Variants in IFT140 observed in about 807,000 individuals in gnomAD.
IFT140 encodes intraflagellar transport protein 140 homolog.
In IFT140, 133 loss-of-function variants were observed where a neutral mutation model predicts 164.6. The observed-to-expected ratio is 0.81, with a 90% CI of 0.70 to 0.93. The LOEUF (loss-of-function observed/expected upper bound fraction) is 0.93, where lower values mean the gene tolerates loss of function less well. Among genes scored for constraint, IFT140 ranks in the 40% least tolerant of loss-of-function variants. IFT140 has a pLI of 0.00. For synonymous variants in IFT140, 860 were observed against 817.3 expected (o/e 1.05, Z -0.89); for missense variants, 2,045 against 1,972.3 (o/e 1.04, Z -0.70).
At position 1,564,154 on chromosome 16, in the gene IFT140, A is replaced by G. The variant is rs754830133; in HGVS notation, c.1910T>C (p.Leu637Pro). ...FNEQETNKSH[L>P]FVDEGLKNYV... ...ATTTTTCAGTCCCTCATCCACAAAG[A>G]GGTGGCTCCTAAAAGACAAAGGAAG... Residue 637 changes from leucine (L) to proline (P), a missense_variant, in exon 17 of 31, where the codon CTC (leucine) becomes CCC (proline). Transcript: ENST00000426508. This position sits in a 1 kb window ranked among gnomAD's most constrained non-coding sequence, Gnocchi z 5.5. 3 of 1,572,110 alleles carry G rather than the reference A, an allele frequency of 1.9e-6. No individual in the cohort carries two copies. Among genetic ancestry groups the G allele is most frequent in the Admixed American group, 1.7e-5 (1 of 57,526 alleles).
At chr16:1,598,897 C>T (rs1282648834) in intron 4 of IFT140, among the ~76,000 whole-genome samples, 2 of 149,712 alleles carry the variant, frequency 1.3e-5, no homozygotes, top group Non-Finnish European at 3.0e-5. Context: ...GTGAGGAGCC[C>T]CTCTGCCTGG....
At chr16:1,558,448 C>G (rs1257270207) in intron 18 of IFT140, among the ~76,000 whole-genome samples, 1 of 152,228 alleles carries the variant, frequency 6.6e-6, no homozygotes, top group Non-Finnish European at 1.5e-5. Flanking sequence ...AAACAATAAC[C>G]TGGATTGGCT....
intron 17 of IFT140, 35 bp downstream of exon 17, chr16:1,563,962 T>G (rs771198688): frequency 6.6e-7 from 1 of 1,514,310 alleles, no homozygotes; most frequent in Non-Finnish European, 8.9e-7. Context: ...GGCCACTGAG[T>G]GTGTCTAAAC....
At chr16:1,554,107 G>T in intron 19 of IFT140, 2 of 1,287,176 alleles carry the variant, frequency 1.6e-6, no homozygotes, top group Non-Finnish European at 2.0e-6. Flanking sequence ...AGAACGAGAA[G>T]CACTGACTCG....
At chr16:1,575,021 C>T (rs924672914) in intron 13 of IFT140, among the ~76,000 whole-genome samples, 5 of 152,168 alleles carry the variant, frequency 3.3e-5, no homozygotes, top group African/African-American at 1.2e-4. Flanking sequence ...CCCTTACTCA[C>T]GCCAGAGCCA....
chr16:1,530,321 T>A (rs1001685555), intron 19 of IFT140, among the ~76,000 whole-genome samples: 1 of 151,720 alleles, frequency 6.6e-6, no homozygotes, highest in Non-Finnish European at 1.5e-5. Flanking sequence ...GTAGTAGAGA[T>A]GGGGTTTCAT....
intron 20 of IFT140, 32 bp downstream of exon 20, chr16:1,526,587 T>C: frequency 6.7e-7 from 1 of 1,489,584 alleles, no homozygotes; most frequent in South Asian, 1.3e-5. Context: ...GCGTGGTGCC[T>C]TCCCACCCAC....
At chr16:1,560,647 CT>C (rs2033354249) in intron 18 of IFT140, among the ~76,000 whole-genome samples, 1 of 152,208 alleles carries the variant, frequency 6.6e-6, no homozygotes, top group Non-Finnish European at 1.5e-5. Context: ...GCTGCCTGTC[CT>C]TCCCCTTCTC....
chr16:1,594,368 T>A (rs561954919), intron 4 of IFT140, among the ~76,000 whole-genome samples: 118 of 152,180 alleles, frequency 7.8e-4, no homozygotes, highest in African/African-American at 2.7e-3. Context: ...ATACAGATGC[T>A]CACCACCACA....
In IFT140 at chr16:1,560,897, C is replaced by T. The variant is rs529906347; in HGVS notation, c.2199+1088G>A. On this transcript the variant is annotated intron_variant, in intron 18 of 30. Transcript: ENST00000426508. ...AGGAAGAGGCAGAGAAGACTCTGTGCGTGTTGTTTGCTGACGGAGTGTGTA... is the reference window on the plus strand; with the variant it reads ...AGGAAGAGGCAGAGAAGACTCTGTGTGTGTTGTTTGCTGACGGAGTGTGTA... Among the ~76,000 whole-genome samples the T allele has an allele frequency of 4.9e-3, 739 of 152,332 alleles. 3 individuals are homozygous for T. The highest frequency in any genetic ancestry group is 0.017 in the African/African-American group (693 of 41,580).
intron 14 of IFT140, among the ~76,000 whole-genome samples, chr16:1,570,702 A>G (rs1260093296): frequency 6.6e-6 from 1 of 152,196 alleles, no homozygotes. Context: ...TACATTTGGT[A>G]ACACAGTGAG....
Position 1,518,343 on chromosome 16 carries a change from T to A in IFT140, c.4055A>T (p.Asp1352Val). 6.2e-7 allele frequency: 1 copy of A among 1,613,852 alleles called. No individual in the cohort carries two copies. Among genetic ancestry groups the A allele is most frequent in the Non-Finnish European group, 8.5e-7 (1 of 1,179,962 alleles). Residue 1352 changes from aspartate to valine, a missense_variant, in exon 30 of 31, where the codon GAC (aspartate) becomes GTC (valine). Coordinates refer to ENST00000426508, the MANE Select transcript of IFT140 (RefSeq NM_014714.4). The part of the protein sequence containing the change: ...FIQARRTYTE[D>V]PKESIKQCEL... ...ACACTGCTTGATGGACTCCTTGGGG[T>A]CCTCTGTGTACGTCCTGCCGAGAGC...
intron 9 of IFT140, 33 bp from the exon 10 acceptor site, chr16:1,586,308 G>A: frequency 1.3e-6 from 2 of 1,584,306 alleles, no homozygotes; most frequent in Admixed American, 1.8e-5. Flanking sequence ...TGTGAACAGA[G>A]TTAAAAAAAG....
chr16:1,553,611 G>T lies in IFT140; in HGVS notation c.2399+4324C>A. The T allele has an allele frequency of 1.9e-6, 2 of 1,031,304 alleles. No homozygotes were observed. The highest frequency in any genetic ancestry group is 7.4e-5 in the South Asian group (2 of 27,150). The allele number at this position is 1,031,304 out of a possible 1,614,324, so 63.9% of individuals were successfully genotyped here. A position where few individuals can be genotyped will look rare whatever the true frequency, so the allele number is the denominator to read the frequency against. On this transcript the variant is annotated intron_variant, in intron 19 of 30. Coordinates refer to ENST00000426508, the MANE Select transcript of IFT140 (RefSeq NM_014714.4). The surrounding 1 kb of genome is among the most constrained non-coding windows in gnomAD (Gnocchi z 4.4). The stretch of plus-strand genomic sequence containing the variant: ...AGAGTCTCTGGCACTTTGGGTACAA[G>T]AAACAGACTCACTCAGGTTACTGTA...
chr16:1,574,086 C>T (rs1391714065), intron 13 of IFT140, among the ~76,000 whole-genome samples: 2 of 152,122 alleles, frequency 1.3e-5, no homozygotes, highest in Admixed American at 6.5e-5. Flanking sequence ...CAGCCCATTG[C>T]TAATCAATGG....
chr16:1,602,586 C>T lies in IFT140; in HGVS notation c.153G>A (p.Glu51=). 6.2e-7 allele frequency: 1 copy of T among 1,611,252 alleles called. No individual in the cohort carries two copies. Among genetic ancestry groups the T allele is most frequent in the Non-Finnish European group, 8.5e-7 (1 of 1,179,970 alleles). The change falls in exon 4 of 31, where the codon GAG becomes GAA. Residue 51 remains glutamate (E), a synonymous_variant. Coordinates refer to ENST00000426508, the MANE Select transcript of IFT140 (RefSeq NM_014714.4). ...GSVDIYLEQG[E]CVPDTHVERP... is the part of the protein sequence containing the mutation. ...TCTCGACGTGTGTATCTGGCACGCA[C>T]TCCCCCTGCATTGGATGAGAGGCAA...
rs1395030665 is a variant in IFT140, at chr16:1,553,098, C to T, written c.2399+4837G>A. 8 of 985,312 alleles carry T rather than the reference C, an allele frequency of 8.1e-6. No individual in the cohort carries two copies. The highest frequency in any genetic ancestry group is 9.6e-6 in the Non-Finnish European group (8 of 829,942). 61.0% of individuals were successfully genotyped at this position (985,312 alleles called of 1,614,324 possible). On this transcript the variant is annotated intron_variant, in intron 19 of 30. Coordinates refer to ENST00000426508, the MANE Select transcript of IFT140 (RefSeq NM_014714.4). This position sits in a 1 kb window ranked among gnomAD's most constrained non-coding sequence, Gnocchi z 4.4. ...GAGATAGATAAATGCTTAATTCATA[C>T]TTTCTGGAGGGTACAGTGATGATGA...
At chr16:1,543,862 C>T (rs77965536) in intron 19 of IFT140, among the ~76,000 whole-genome samples, 3,215 of 152,204 alleles carry the variant, frequency 0.021, 113 homozygotes, top group African/African-American at 0.073. Flanking sequence ...ATCGGAAATG[C>T]CGTGGCTTAA....
At chr16:1,561,589 G>A (rs1317186125) in intron 18 of IFT140, among the ~76,000 whole-genome samples, 1 of 152,202 alleles carries the variant, frequency 6.6e-6, no homozygotes, top group African/African-American at 2.4e-5. Flanking sequence ...TCCCTACAGT[G>A]AATATAGAAA....
Sources: gnomAD v4.1 joint callset for allele counts (sites outside exome capture counted in the v4.1 genomes callset) on GRCh38, gnomAD v4.1.1 for gene constraint, Gnocchi (gnomAD v3.1) non-coding constraint, MANE v1.5 for transcripts, NCBI Gene and HGNC (gene_info 2026-07-23, HGNC 2026-07-21) for gene names.